Variants in RYR3 observed in about 807,000 individuals in gnomAD.
RYR3 encodes brain ryanodine receptor-calcium release channel.
RYR3 carries 207 observed loss-of-function variants against 584.3 expected under a neutral mutation model. The observed-to-expected ratio is 0.35, with a 90% confidence interval of 0.32 to 0.40. The LOEUF is 0.40. Among genes scored for constraint, RYR3 ranks in the 10% least tolerant of loss-of-function variants. The pLI, the probability that RYR3 is intolerant of heterozygous loss-of-function variation, is 1.00. For synonymous variants in RYR3, 2,416 were observed against 2,248.5 expected (o/e 1.07, Z -2.11); for missense variants, 5,616 against 6,089.2 (o/e 0.92, Z 2.59).
intron 24 of RYR3, 114 bp downstream of exon 24, chr15:33,633,222 C>A (rs925023340): frequency 1.0e-6 from 1 of 973,898 alleles, no homozygotes; most frequent in African/African-American, 1.6e-5. Flanking sequence ...TGCACTCTAT[C>A]CCTCACACCT....
In RYR3 at chr15:33,701,053, G is replaced by T; in HGVS notation, c.6456G>T (p.Leu2152=). The part of the protein sequence containing the change: ...SSVMDNNELA[L]SLEEPDLEKV... ...TGATGGACAACAATGAGTTAGCGCT[G>T]AGCTTAGAGGAACCAGACCTCGAGA... Residue 2152 remains leucine (L), a synonymous_variant, in exon 42 of 104, where the codon CTG becomes CTT. Coordinates refer to ENST00000634891, the MANE Select transcript of RYR3 (RefSeq NM_001036.6). 6.2e-7 allele frequency: 1 copy of T among 1,613,006 alleles called. No homozygotes were observed. Among genetic ancestry groups the T allele is most frequent in the African/African-American group, 1.3e-5 (1 of 75,042 alleles).
At position 33,628,494 on chromosome 15, in the gene RYR3, A is replaced by G. The variant is rs766886794; in HGVS notation, c.2598A>G (p.Glu866=). 1.1e-4 allele frequency: 175 copies of G among 1,613,164 alleles called. No homozygotes were observed. Among genetic ancestry groups the G allele is most frequent in the Non-Finnish European group, 1.4e-4 (167 of 1,179,262 alleles). Residue 866 remains glutamate, a synonymous_variant, in exon 21 of 104, where the codon GAA becomes GAG. Coordinates refer to ENST00000634891, the MANE Select transcript of RYR3 (RefSeq NM_001036.6). Reference sequence around the variant, plus strand: ...AGGTTATTTTGCCACCTCACCTAGAAAAGATCCGAGACAGACTAGCTGAAA... The same window carrying G: ...AGGTTATTTTGCCACCTCACCTAGAGAAGATCCGAGACAGACTAGCTGAAA... ...TSQVILPPHL[E]KIRDRLAENI...
chr15:33,318,959 C>A (rs1968573338), intron 1 of RYR3, among the ~76,000 whole-genome samples: 1 of 152,178 alleles, frequency 6.6e-6, no homozygotes, highest in Non-Finnish European at 1.5e-5. Context: ...GAAACCATTT[C>A]AAAGCAATTC....
At chr15:33,572,122 T>A (rs1000508367) in intron 12 of RYR3, among the ~76,000 whole-genome samples, 2 of 152,246 alleles carry the variant, frequency 1.3e-5, no homozygotes, top group African/African-American at 4.8e-5. Context: ...ATATATTATA[T>A]CTTCATAAGT....
At chr15:33,531,056 T>G (rs1303827767) in intron 4 of RYR3, among the ~76,000 whole-genome samples, 2 of 152,124 alleles carry the variant, frequency 1.3e-5, no homozygotes, top group Non-Finnish European at 1.5e-5. Flanking sequence ...ATAACCAGCA[T>G]AGAAGAAAAA....
At chr15:33,709,451 A>G (rs1269412361) in intron 43 of RYR3, among the ~76,000 whole-genome samples, 1 of 152,194 alleles carries the variant, frequency 6.6e-6, no homozygotes, top group East Asian at 1.9e-4. Flanking sequence ...ACCTAGTGCT[A>G]TTGTTTAAAT....
intron 75 of RYR3, among the ~76,000 whole-genome samples, chr15:33,817,346 T>C (rs142602726): frequency 2.2e-4 from 33 of 152,350 alleles, no homozygotes; most frequent in Non-Finnish European, 4.1e-4. Context: ...ATACCCTTCC[T>C]GCATCTTACA....
chr15:33,619,086 T>C (rs2060592523), intron 19 of RYR3, among the ~76,000 whole-genome samples: 3 of 152,200 alleles, frequency 2.0e-5, no homozygotes, highest in Admixed American at 2.0e-4. Flanking sequence ...CTATTGCTCA[T>C]CTATGAGGTG....
intron 20 of RYR3, among the ~76,000 whole-genome samples, chr15:33,624,693 C>T (rs1164381237): frequency 1.3e-5 from 2 of 152,270 alleles, no homozygotes; most frequent in Non-Finnish European, 2.9e-5. Context: ...TCTTTCCCCT[C>T]CAGGGTCTGT....
At chr15:33,663,058 A>T (rs903575668) in intron 35 of RYR3, 110 bp downstream of exon 35, 34 of 900,830 alleles carry the variant, frequency 3.8e-5, no homozygotes, top group Non-Finnish European at 5.5e-5. Context: ...AGTGCTTGGC[A>T]TAGTGACTGA....
In RYR3 at chr15:33,660,066, G is replaced by A. The variant is rs373347039; in HGVS notation, c.4396-131G>A. On this transcript the variant is annotated intron_variant, in intron 33 of 103. Transcript: ENST00000634891. ...TTATTTGAAATGCTAATTAATGCTG[G>A]TAAAGCCCTTAGAGATCCCTGGATA... 7.4e-6 allele frequency: 5 copies of A among 672,078 alleles called. No individual in the cohort carries two copies. The South Asian group carries it at 7.7e-5, about 10-fold the overall frequency. The allele number at this position is 672,078 out of a possible 1,614,324, so 41.6% of individuals were successfully genotyped here. A position where few individuals can be genotyped will look rare whatever the true frequency, so the allele number is the denominator to read the frequency against.
chr15:33,425,857 T>A (rs969583622), intron 1 of RYR3, among the ~76,000 whole-genome samples: 6 of 152,096 alleles, frequency 3.9e-5, no homozygotes, highest in Admixed American at 3.3e-4. Context: ...TTAGCCAGGA[T>A]GGTCTCAATC....
rs146916339 is a variant in RYR3 at position 33,705,062 on chromosome 15, ACACACACGCATATG to A, written c.6484-1849_6484-1836del. 6.2e-3 allele frequency among the ~76,000 whole-genome samples: 933 copies of A among 151,696 alleles called. 7 individuals are homozygous for A. The highest frequency in any genetic ancestry group is 0.021 in the African/African-American group (872 of 41,332). ...GAACAGTAGCCCTACCCCAACACAT[ACACACACGCATATG>A]CACACACACATGCACACACACTCTT... On this transcript the variant is annotated intron_variant, in intron 42 of 103. Coordinates refer to ENST00000634891, the MANE Select transcript of RYR3 (RefSeq NM_001036.6).
intron 52 of RYR3, among the ~76,000 whole-genome samples, chr15:33,744,627 C>G (rs529103487): frequency 1.3e-5 from 2 of 152,294 alleles, no homozygotes; most frequent in African/African-American, 4.8e-5. Context: ...TTGGTGACAT[C>G]TACAGCATTT....
intron 30 of RYR3, 123 bp from the exon 31 acceptor site, chr15:33,648,949 A>C (rs2062273457): frequency 2.3e-6 from 2 of 866,078 alleles, no homozygotes; most frequent in Non-Finnish European, 3.6e-6. Context: ...ACTAGTGTGC[A>C]CTTTTCCAGA....
chr15:33,741,682 C>G (rs931098473), intron 51 of RYR3, among the ~76,000 whole-genome samples: 2 of 152,094 alleles, frequency 1.3e-5, no homozygotes, highest in East Asian at 3.9e-4. Context: ...GGTGCCATCT[C>G]AACTCACTGC....
chr15:33,429,089 C>T (rs138004239), intron 1 of RYR3, among the ~76,000 whole-genome samples: 90 of 152,286 alleles, frequency 5.9e-4, no homozygotes, highest in African/African-American at 2.1e-3. Context: ...TTTGCCTTTT[C>T]TCCTGCTCGC....
chr15:33,687,582 C>T (rs971255213), intron 38 of RYR3, among the ~76,000 whole-genome samples: 1 of 152,098 alleles, frequency 6.6e-6, no homozygotes, highest in Non-Finnish European at 1.5e-5. Context: ...TAATATGGAA[C>T]CAAAAAAGAG....
intron 38 of RYR3, among the ~76,000 whole-genome samples, chr15:33,685,994 A>G (rs2064981927): frequency 6.6e-6 from 1 of 152,170 alleles, no homozygotes; most frequent in Non-Finnish European, 1.5e-5. Flanking sequence ...AAAGCAGGAA[A>G]GATCTAAAAT....
Sources: gnomAD v4.1 joint callset for allele counts (sites outside exome capture counted in the v4.1 genomes callset) on GRCh38, gnomAD v4.1.1 for gene constraint, MANE v1.5 for transcripts, NCBI Gene and HGNC (gene_info 2026-07-23, HGNC 2026-07-21) for gene names.